Variants in UNC5C observed in about 807,000 individuals in gnomAD.
UNC5C encodes unc-5 netrin receptor C.
Under a neutral mutation model 99.8 loss-of-function variants are expected in UNC5C, and 47 were observed. The observed-to-expected ratio is 0.47, with a 90% CI of 0.37 to 0.60. UNC5C has a LOEUF of 0.60. Among genes scored for constraint, UNC5C ranks in the 20% least tolerant of loss-of-function variants. The probability of loss-of-function intolerance (pLI) is 0.00; values close to 1 mark genes in which losing one functional copy is unlikely to be tolerated. For missense variants in UNC5C, 1,062 were observed against 1,165.9 expected, an observed-to-expected ratio of 0.91 and a Z score of 1.30; for synonymous variants, 487 against 452.2, an observed-to-expected ratio of 1.08 and a Z score of -0.98.
At chr4:95,180,575 T>TAAATCACCCAGAGACAA (rs1256595736) in intron 14 of UNC5C, among the ~76,000 whole-genome samples, 1 of 152,228 alleles carries the variant, frequency 6.6e-6, no homozygotes, top group Non-Finnish European at 1.5e-5. Flanking sequence ...AATCCCTGGC[T>TAAATCACCCAGAGACAA]AAATCACCCA....
intron 1 of UNC5C, among the ~76,000 whole-genome samples, chr4:95,452,581 C>A (rs1320326393): frequency 6.6e-6 from 1 of 152,068 alleles, no homozygotes; most frequent in African/African-American, 2.4e-5. Context: ...GAGCAGAAAA[C>A]AATTTCCTTA....
chr4:95,352,329 A>G (rs997464), intron 1 of UNC5C, among the ~76,000 whole-genome samples: 63,176 of 151,822 alleles, frequency 0.42, 13,401 homozygotes, highest in African/African-American at 0.45. Flanking sequence ...CTTGCCCTTC[A>G]CTTCTCTAGG....
intron 7 of UNC5C, among the ~76,000 whole-genome samples, chr4:95,228,465 C>A (rs986021610): frequency 6.6e-6 from 1 of 152,170 alleles, no homozygotes; most frequent in African/African-American, 2.4e-5. Context: ...TCTATGTTCT[C>A]ACAAACTTGC....
rs1736626276 is a variant in UNC5C, at chr4:95,181,881, C to T, written c.2451+1016G>A. Among the ~76,000 whole-genome samples, 6 of 152,226 alleles carry T rather than the reference C, an allele frequency of 3.9e-5. No homozygotes were observed. The South Asian group carries it at 1.2e-3, about 32-fold the overall frequency. ...TGTGAAGCAAGACAAGCTGAACATG[C>T]TGACATTGCATTCGTCACTGTGCAT... On this transcript the variant is annotated intron_variant, in intron 14 of 15. Coordinates refer to ENST00000453304, the MANE Select transcript of UNC5C (RefSeq NM_003728.4).
chr4:95,381,876 GTTA>G (rs1745081289), intron 1 of UNC5C, among the ~76,000 whole-genome samples: 1 of 152,158 alleles, frequency 6.6e-6, no homozygotes, highest in Admixed American at 6.5e-5. Flanking sequence ...ATAGTGATTG[GTTA>G]TTGATCACAA....
At chr4:95,286,720 G>C (rs72891919) in intron 3 of UNC5C, among the ~76,000 whole-genome samples, 12,620 of 152,108 alleles carry the variant, frequency 0.083, 1,696 homozygotes, top group African/African-American at 0.29. Context: ...ACTTTTAATG[G>C]AGATGTGGGT....
intron 1 of UNC5C, among the ~76,000 whole-genome samples, chr4:95,366,732 C>T (rs1266139245): frequency 6.6e-6 from 1 of 152,164 alleles, no homozygotes; most frequent in African/African-American, 2.4e-5. Flanking sequence ...CCAGTCAAAC[C>T]TAACTTTGGT....
chr4:95,508,436 C>T (rs376992844), intron 1 of UNC5C, among the ~76,000 whole-genome samples: 52 of 152,000 alleles, frequency 3.4e-4, no homozygotes, highest in African/African-American at 1.2e-3. Flanking sequence ...AATCCCTTAA[C>T]CTGGCAATTA....
chr4:95,442,370 T>A (rs1173926723), intron 1 of UNC5C, among the ~76,000 whole-genome samples: 1 of 92,300 alleles, frequency 1.1e-5, no homozygotes, highest in Non-Finnish European at 2.0e-5. Flanking sequence ...GCCCAGCTAA[T>A]TTTTTTTTTT....
chr4:95,199,393 A>T (rs1329011078), intron 12 of UNC5C, among the ~76,000 whole-genome samples: 1 of 152,134 alleles, frequency 6.6e-6, no homozygotes, highest in African/African-American at 2.4e-5. Context: ...GTATTTCTGC[A>T]TTATTAAAAG....
intron 1 of UNC5C, among the ~76,000 whole-genome samples, chr4:95,454,186 C>T (rs1747367397): frequency 2.6e-5 from 4 of 152,058 alleles, no homozygotes; most frequent in South Asian, 2.1e-4. Context: ...AAAAGAACAA[C>T]TGACACTCTT....
intron 7 of UNC5C, among the ~76,000 whole-genome samples, chr4:95,238,877 T>G (rs906761094): frequency 7.2e-5 from 11 of 152,332 alleles, no homozygotes; most frequent in African/African-American, 2.4e-4. Context: ...TGCCTTCCTC[T>G]CTAGACATTC....
chr4:95,301,573 G>A (rs745456420), intron 3 of UNC5C, 33 bp downstream of exon 3: 1 of 1,612,706 alleles, frequency 6.2e-7, no homozygotes, highest in Non-Finnish European at 8.5e-7. Flanking sequence ...ATCAACTTCT[G>A]AGACCCAAGG....
At chr4:95,436,257 T>C (rs1341416804) in intron 1 of UNC5C, among the ~76,000 whole-genome samples, 1 of 151,838 alleles carries the variant, frequency 6.6e-6, no homozygotes, top group Non-Finnish European at 1.5e-5. Context: ...TAACCCATAG[T>C]ATATTTTTCT....
At chr4:95,523,645 G>C (rs1283936563) in intron 1 of UNC5C, among the ~76,000 whole-genome samples, 1 of 152,084 alleles carries the variant, frequency 6.6e-6, no homozygotes, top group East Asian at 1.9e-4. Flanking sequence ...AAAGTGACTA[G>C]GATGTTGCTA....
At chr4:95,172,757 T>C (rs1169302847) in intron 14 of UNC5C, among the ~76,000 whole-genome samples, 1 of 151,958 alleles carries the variant, frequency 6.6e-6, no homozygotes, top group Non-Finnish European at 1.5e-5. Flanking sequence ...TTGAAAGTAG[T>C]TTTTTCCAAT....
chr4:95,295,398 T>C (rs1477389641), intron 3 of UNC5C, among the ~76,000 whole-genome samples: 1 of 152,226 alleles, frequency 6.6e-6, no homozygotes, highest in Non-Finnish European at 1.5e-5. Context: ...AGATGTGTTA[T>C]GTTCTCAGCA....
chr4:95,379,362 T>C (rs550432741), intron 1 of UNC5C, among the ~76,000 whole-genome samples: 1 of 152,336 alleles, frequency 6.6e-6, no homozygotes, highest in African/African-American at 2.4e-5. Flanking sequence ...ATGACTATCA[T>C]GTAGCAAGCA....
chr4:95,490,838 T>C (rs1034983564), intron 1 of UNC5C, among the ~76,000 whole-genome samples: 3 of 151,744 alleles, frequency 2.0e-5, no homozygotes, highest in Admixed American at 6.6e-5. Context: ...ATTTATCAAA[T>C]AATTTATCAA....
Sources: gnomAD v4.1 joint callset for allele counts (sites outside exome capture counted in the v4.1 genomes callset) on GRCh38, gnomAD v4.1.1 for gene constraint, MANE v1.5 for transcripts, NCBI Gene and HGNC (gene_info 2026-07-23, HGNC 2026-07-21) for gene names.